PCSK6: variants seen among roughly 807,000 people sequenced by gnomAD.
PCSK6 encodes proprotein convertase subtilisin/kexin type 6.
A neutral mutation model predicts 123.3 loss-of-function variants in PCSK6; 85 were observed. The ratio of observed to expected loss-of-function variants is 0.69; its 90% CI spans 0.58 to 0.83. The LOEUF (loss-of-function observed/expected upper bound fraction) is 0.83. PCSK6 is among the 40% of genes least tolerant of loss of function. The pLI is 0.00. For synonymous variants in PCSK6, 508 were observed against 516.0 expected (o/e 0.98, Z 0.21); for missense variants, 1,191 against 1,282.3 (o/e 0.93, Z 1.09).
Position 101,489,368 on chromosome 15 carries a change from A to G in PCSK6, c.297+6T>C. The stretch of plus-strand genomic sequence containing the variant: ...GTTTTGGGCGCGCGGGGCCGGCCGC[A>G]CTCACCTGGCCCAAGTTGAGGTACC... On this transcript the variant is annotated splice_donor_region_variant and intron_variant, in intron 1 of 21. Coordinates refer to ENST00000611716, the MANE Select transcript of PCSK6 (RefSeq NM_002570.5). The G allele has an allele frequency of 1.7e-6, 2 of 1,188,366 alleles. No individual in the cohort carries two copies. Among genetic ancestry groups the G allele is most frequent in the Non-Finnish European group, 2.1e-6 (2 of 954,556 alleles). 73.6% of individuals were successfully genotyped at this position (1,188,366 alleles called of 1,614,324 possible). A position where few individuals can be genotyped will look rare whatever the true frequency, so the allele number is the denominator to read the frequency against.
intron 15 of PCSK6, 137 bp downstream of exon 15, chr15:101,331,514 G>A: frequency 2.7e-6 from 2 of 743,690 alleles, no homozygotes; most frequent in Non-Finnish European, 4.8e-6. Context: ...GCTGTGAGAT[G>A]GGGGCCTTTG....
At chr15:101,416,733 A>T (rs1047865761) in intron 6 of PCSK6, among the ~76,000 whole-genome samples, 1 of 152,258 alleles carries the variant, frequency 6.6e-6, no homozygotes, top group Non-Finnish European at 1.5e-5. Flanking sequence ...AAAGGAGCCA[A>T]CGTACAGCTT....
chr15:101,359,608 G>A (rs2041152657), intron 13 of PCSK6, among the ~76,000 whole-genome samples: 1 of 152,258 alleles, frequency 6.6e-6, no homozygotes, highest in Non-Finnish European at 1.5e-5. Context: ...CAGTGCTAAG[G>A]CCAAGGCCAG....
intron 1 of PCSK6, among the ~76,000 whole-genome samples, chr15:101,484,602 G>A (rs571046889): frequency 6.6e-6 from 1 of 152,066 alleles, no homozygotes; most frequent in African/African-American, 2.4e-5. Flanking sequence ...TGTTGGCCAG[G>A]CTGGTCTCGA....
chr15:101,357,780 T>TGGG (rs1434796044), intron 13 of PCSK6, among the ~76,000 whole-genome samples: 1 of 152,210 alleles, frequency 6.6e-6, no homozygotes, highest in Non-Finnish European at 1.5e-5. Context: ...GACACGGATT[T>TGGG]TCACCCTTCC....
chr15:101,336,799 G>A (rs1200802221), intron 13 of PCSK6: 1 of 85,106 alleles, frequency 1.2e-5, no homozygotes, highest in East Asian at 3.1e-4. Flanking sequence ...AGCCTATGAG[G>A]GGCCAGGCAC....
At chr15:101,309,866 G>T (rs544759037) in intron 20 of PCSK6, among the ~76,000 whole-genome samples, 5 of 151,874 alleles carry the variant, frequency 3.3e-5, no homozygotes, top group Admixed American at 2.6e-4. Flanking sequence ...ATCGTGCATT[G>T]TTCTCAGCGT....
Position 101,489,636 on chromosome 15 carries a change from C to G in PCSK6, c.35G>C (p.Arg12Pro), listed in dbSNP as rs1036740550. Reference sequence around the variant, plus strand: ...GGCGGCGGCGGCCCGGGGCGGCGGCCGGGGCCCGGGCGCAGGCGGCGCGCG... The same window carrying G: ...GGCGGCGGCGGCCCGGGGCGGCGGCGGGGGCCCGGGCGCAGGCGGCGCGCG... The part of the protein sequence containing the change: ...PPRAPPAPGP[R>P]PPPRAAAATD... Residue 12 changes from arginine (R) to proline (P), a missense_variant, in exon 1 of 22, where the codon CGG becomes CCG. Arg to Pro is a moderately radical substitution (Grantham distance 103). This residue lies in a region of PCSK6 where 204 missense variants were observed against 166.4 expected (regional missense o/e 1.23). Transcript: ENST00000611716. 22 of 975,336 alleles carry G rather than the reference C, an allele frequency of 2.3e-5. No individual in the cohort carries two copies. In the African/African-American group the frequency reaches 3.4e-4, roughly 15 times the overall value. The allele number at this position is 975,336 out of a possible 1,614,324, so 60.4% of individuals were successfully genotyped here.
intron 2 of PCSK6, among the ~76,000 whole-genome samples, chr15:101,436,261 C>T (rs1177855137): frequency 7.2e-5 from 11 of 152,090 alleles, no homozygotes; most frequent in Middle Eastern, 3.2e-3. Context: ...GGGAAGGCCA[C>T]GAAGGGCATA....
chr15:101,358,283 G>A (rs1258002447), intron 13 of PCSK6, among the ~76,000 whole-genome samples: 2 of 152,298 alleles, frequency 1.3e-5, no homozygotes, highest in African/African-American at 2.4e-5. Context: ...CTAATGGCCT[G>A]TATTTTCTAT....
In PCSK6 at chr15:101,428,456, C is replaced by T. The variant is rs930149736; in HGVS notation, c.735-476G>A. Among the ~76,000 whole-genome samples the T allele has an allele frequency of 2.6e-5, 4 of 152,128 alleles. No homozygotes were observed. The East Asian group carries it at 5.8e-4, about 22-fold the overall frequency. Reference sequence around the variant, plus strand: ...GATGTCACCTGCCTCATCCCCTATGCACCTACAACACCATGCTTACCCTGA... The same window carrying T: ...GATGTCACCTGCCTCATCCCCTATGTACCTACAACACCATGCTTACCCTGA... On this transcript the variant is annotated intron_variant, in intron 5 of 21. Coordinates refer to ENST00000611716, the MANE Select transcript of PCSK6 (RefSeq NM_002570.5).
Position 101,479,708 on chromosome 15 carries a change from C to T in PCSK6, c.297+9666G>A, listed in dbSNP as rs79698043. Among the ~76,000 whole-genome samples, 15 of 152,324 alleles carry T rather than the reference C, an allele frequency of 9.8e-5. No individual in the cohort carries two copies. The East Asian group carries it at 2.9e-3, about 29-fold the overall frequency. ...CACCTCCATGCAGCCTTCTACTAGA[C>T]AGGGAACAGCAGGCCTGACCTCTGG... On this transcript the variant is annotated intron_variant, in intron 1 of 21. Coordinates refer to ENST00000611716, the MANE Select transcript of PCSK6 (RefSeq NM_002570.5).
intron 1 of PCSK6, among the ~76,000 whole-genome samples, chr15:101,450,356 C>T (rs1426613597): frequency 1.3e-5 from 2 of 152,132 alleles, no homozygotes; most frequent in Non-Finnish European, 1.5e-5. Flanking sequence ...CCTCACACAC[C>T]GTTTCACACC....
chr15:101,343,292 T>C (rs1037304734), intron 13 of PCSK6, among the ~76,000 whole-genome samples: 1 of 152,184 alleles, frequency 6.6e-6, no homozygotes, highest in African/African-American at 2.4e-5. Flanking sequence ...ATTAGTTTCT[T>C]TCAAGAACCA....
chr15:101,489,554 G>A lies in PCSK6; in HGVS notation c.117C>T (p.Pro39=), dbSNP rs1270541793. 1.1e-5 allele frequency: 11 copies of A among 972,334 alleles called. No individual in the cohort carries two copies. The highest frequency in any genetic ancestry group is 1.3e-5 in the Non-Finnish European group (11 of 825,006). 60.2% of individuals were successfully genotyped at this position (972,334 alleles called of 1,614,324 possible). ...GAGGAGGAGG[P]GFRPLAPRPW... ...GACGCGGCGCGAGCGGCCGGAACCC[G>A]GGCCCGCCGGCGCCCCCCGCGCCCC... The change falls in exon 1 of 22, where the codon CCC becomes CCT. Residue 39 remains proline, a synonymous_variant. Transcript: ENST00000611716.
At chr15:101,357,826 T>C (rs1474201671) in intron 13 of PCSK6, among the ~76,000 whole-genome samples, 5 of 152,176 alleles carry the variant, frequency 3.3e-5, no homozygotes, top group African/African-American at 4.8e-5. Flanking sequence ...TGGTGGTTGA[T>C]AGAGATCTTC....
intron 6 of PCSK6, among the ~76,000 whole-genome samples, chr15:101,419,772 C>A (rs2056018212): frequency 6.6e-6 from 1 of 151,866 alleles, no homozygotes; most frequent in Non-Finnish European, 1.5e-5. Flanking sequence ...AAGGGCAGAC[C>A]CAGTGTCCAT....
At position 101,304,126 on chromosome 15, in the gene PCSK6, T is replaced by C. The variant is rs961585502; in HGVS notation, c.*1132A>G. 2.6e-5 allele frequency: 4 copies of C among 152,520 alleles called. No individual in the cohort carries two copies. Among genetic ancestry groups the C allele is most frequent in the African/African-American group, 9.7e-5 (4 of 41,422 alleles). 9.4% of individuals were successfully genotyped at this position (152,520 alleles called of 1,614,324 possible). ...CGAGGTCGAAAAAATTTAAGGCAAA[T>C]GTTACTTCCCTATTCAAGGGAATTG... On this transcript the variant is annotated 3_prime_UTR_variant, in exon 22 of 22. Transcript: ENST00000611716.
At chr15:101,328,934 G>A (rs569242902) in intron 15 of PCSK6, among the ~76,000 whole-genome samples, 9 of 152,360 alleles carry the variant, frequency 5.9e-5, no homozygotes, top group African/African-American at 2.2e-4. Flanking sequence ...CCGCCTGAGC[G>A]TGTTCTGGTC....
Sources: allele counts gnomAD v4.1 joint callset (sites outside exome capture counted in the v4.1 genomes callset), GRCh38; gene constraint gnomAD v4.1.1; regional missense constraint gnomAD v4.1.1; transcripts MANE v1.5; gene names NCBI Gene and HGNC (gene_info 2026-07-23, HGNC 2026-07-21).